NOX3: variants seen among roughly 807,000 people sequenced by gnomAD.
NOX3 encodes the protein NADPH oxidase 3.
In NOX3, 74 loss-of-function variants were observed where a neutral mutation model predicts 76.7. The observed-to-expected ratio is 0.96, with a 90% CI of 0.80 to 1.17. The LOEUF is 1.17. NOX3 is among the 50% of genes most tolerant of loss of function. The pLI, the probability that NOX3 is intolerant of heterozygous loss-of-function variation, is 0.00. For missense variants in NOX3, 695 were observed against 703.3 expected (o/e 0.99, Z 0.13); for synonymous variants, 263 against 261.1 (o/e 1.01, Z -0.07).
chr6:155,411,923 G>T (rs886207278), intron 10 of NOX3, among the ~76,000 whole-genome samples: 4 of 152,118 alleles, frequency 2.6e-5, no homozygotes, highest in Admixed American at 2.6e-4. Flanking sequence ...GTGGGTGGCG[G>T]CTGTGCCTGT....
intron 10 of NOX3, among the ~76,000 whole-genome samples, chr6:155,413,203 G>A (rs1236395158): frequency 6.6e-6 from 1 of 152,210 alleles, no homozygotes; most frequent in African/African-American, 2.4e-5. Context: ...ACCTGGAAAA[G>A]TTGAGGGAGT....
chr6:155,414,624 T>TCTC (rs1491172089), intron 10 of NOX3, among the ~76,000 whole-genome samples: 2 of 62,514 alleles, frequency 3.2e-5, no homozygotes, highest in Admixed American at 1.4e-4. Context: ...CTTTTCTTTC[T>TCTC]TTTTTTTTTT....
At chr6:155,438,952 T>G (rs1776946118) in intron 6 of NOX3, among the ~76,000 whole-genome samples, 2 of 152,234 alleles carry the variant, frequency 1.3e-5, no homozygotes, top group Admixed American at 6.5e-5. Context: ...GTTTAATTCC[T>G]AAAATGGAAG....
chr6:155,433,155 T>C (rs1776856335), intron 7 of NOX3, among the ~76,000 whole-genome samples: 1 of 152,200 alleles, frequency 6.6e-6, no homozygotes, highest in Non-Finnish European at 1.5e-5. Flanking sequence ...ATGTAATGGA[T>C]TATTTTTCTT....
intron 4 of NOX3, 33 bp downstream of exon 4, chr6:155,453,371 G>A (rs773980288): frequency 2.7e-6 from 4 of 1,475,470 alleles, no homozygotes; most frequent in Non-Finnish European, 1.9e-6. Flanking sequence ...ATCAGATATT[G>A]TAAAATCCAT....
rs983352557 is a variant in NOX3 at position 155,422,974 on chromosome 6, A to G, written c.1146-118T>C. ...TGTTTGCCAGTGCATGCAGAGGTTG[A>G]CTCTGTGCCTGAAAATGCCCTATTT... On this transcript the variant is annotated intron_variant, in intron 9 of 13. Transcript: ENST00000159060. 1.5e-5 allele frequency: 15 copies of G among 988,614 alleles called. No homozygotes were observed. In the African/African-American group the frequency reaches 1.9e-4, roughly 13 times the overall value. 61.2% of individuals were successfully genotyped at this position (988,614 alleles called of 1,614,324 possible).
chr6:155,453,146 T>C (rs1454742275), intron 4 of NOX3, among the ~76,000 whole-genome samples: 1 of 152,246 alleles, frequency 6.6e-6, no homozygotes, highest in Non-Finnish European at 1.5e-5. Flanking sequence ...ATTATTGTAT[T>C]ATTAACAAGC....
At chr6:155,431,076 A>T (rs1456571973) in intron 7 of NOX3, 141 bp from the exon 8 acceptor site, 1 of 594,644 alleles carries the variant, frequency 1.7e-6, no homozygotes, top group Non-Finnish European at 3.0e-6. Context: ...AGCAACAAAG[A>T]TGTCTCCTTG....
chr6:155,432,408 C>CG (rs1359637540), intron 7 of NOX3, among the ~76,000 whole-genome samples: 2 of 123,282 alleles, frequency 1.6e-5, no homozygotes, highest in Non-Finnish European at 3.2e-5. Context: ...GTATCTGGGG[C>CG]GGGGGGTGGG....
chr6:155,433,584 TTAAA>T lies in NOX3; in HGVS notation c.799-2653_799-2650del, dbSNP rs200852538. 1.8e-3 allele frequency among the ~76,000 whole-genome samples: 268 copies of T among 152,372 alleles called. 3 individuals carry two copies. The East Asian group carries it at 0.039, about 22-fold the overall frequency. On this transcript the variant is annotated intron_variant, in intron 7 of 13. Transcript: ENST00000159060. The stretch of plus-strand genomic sequence containing the variant: ...TTATTATTTAGTTCCCTCCAAGCTC[TTAAA>T]CACTTTGGCTTTATTCACAGAGATA...
chr6:155,397,675 G>C (rs957784412), intron 12 of NOX3, among the ~76,000 whole-genome samples: 3 of 152,062 alleles, frequency 2.0e-5, no homozygotes, highest in African/African-American at 7.2e-5. Context: ...AGCAAGATGA[G>C]ATAATACATT....
chr6:155,432,168 C>G (rs919439385), intron 7 of NOX3, among the ~76,000 whole-genome samples: 24 of 151,906 alleles, frequency 1.6e-4, no homozygotes, highest in African/African-American at 5.8e-4. Context: ...GGGTAAATTA[C>G]TCTATCCATC....
chr6:155,426,181 C>G (rs1776752577), intron 9 of NOX3, among the ~76,000 whole-genome samples: 1 of 152,206 alleles, frequency 6.6e-6, no homozygotes, highest in African/African-American at 2.4e-5. Flanking sequence ...TATGCCTACA[C>G]ACATACAGAG....
intron 4 of NOX3, among the ~76,000 whole-genome samples, chr6:155,451,753 T>C (rs1777147112): frequency 6.6e-6 from 1 of 151,966 alleles, no homozygotes; most frequent in Non-Finnish European, 1.5e-5. Context: ...GCCTCCCAAG[T>C]AGCTGGGACT....
intron 4 of NOX3, among the ~76,000 whole-genome samples, chr6:155,449,985 C>T (rs1400776039): frequency 6.6e-6 from 1 of 152,172 alleles, no homozygotes. Flanking sequence ...CGCATTTCTT[C>T]GTTCATGTGA....
At position 155,428,847 on chromosome 6, in the gene NOX3, C is replaced by T. The variant is rs140210177; in HGVS notation, c.1092G>A (p.Leu364=). The change falls in exon 9 of 14, where the codon CTG becomes CTA. Residue 364 remains leucine (L), a synonymous_variant. Coordinates refer to ENST00000159060, the MANE Select transcript of NOX3 (RefSeq NM_015718.3). ...RAAGDWTAAL[L]EAFGAEGQAL... is the part of the protein sequence containing the mutation. ...CCTGTCCCTCTGCCCCAAAGGCCTCCAGTAGCGCTGCTGTCCAGTCTCCTG... is the reference window on the plus strand; with the variant it reads ...CCTGTCCCTCTGCCCCAAAGGCCTCTAGTAGCGCTGCTGTCCAGTCTCCTG... 9 of 1,600,194 alleles carry T rather than the reference C, an allele frequency of 5.6e-6. No homozygotes were observed. Among genetic ancestry groups the T allele is most frequent in the Admixed American group, 1.7e-5 (1 of 59,244 alleles).
chr6:155,434,457 A>C (rs1200139094), intron 7 of NOX3, among the ~76,000 whole-genome samples: 1 of 152,204 alleles, frequency 6.6e-6, no homozygotes, highest in Non-Finnish European at 1.5e-5. Context: ...TGCGAAGATG[A>C]ACAGAGTAAG....
chr6:155,412,868 C>T (rs1279952923), intron 10 of NOX3, among the ~76,000 whole-genome samples: 2 of 152,148 alleles, frequency 1.3e-5, no homozygotes, highest in African/African-American at 4.8e-5. Context: ...AATTGCTGTC[C>T]TCTTAAAATT....
At chr6:155,428,023 C>T (rs1776779613) in intron 9 of NOX3, among the ~76,000 whole-genome samples, 1 of 152,218 alleles carries the variant, frequency 6.6e-6, no homozygotes, top group South Asian at 2.1e-4. Context: ...GCCTCAGCCA[C>T]CCAGATAGCT....
Sources: allele counts gnomAD v4.1 joint callset (sites outside exome capture counted in the v4.1 genomes callset), GRCh38; gene constraint gnomAD v4.1.1; transcripts MANE v1.5; gene names NCBI Gene and HGNC (gene_info 2026-07-23, HGNC 2026-07-21).